DNAJB13: variants seen among roughly 807,000 people sequenced by gnomAD.
DNAJB13 encodes DnaJ heat shock protein family (Hsp40) member B13, also known as dnaJ homolog subfamily B member 13.
In DNAJB13, 22 loss-of-function variants were observed where a neutral mutation model predicts 35.6. The ratio of observed to expected loss-of-function variants is 0.62; its 90% CI spans 0.44 to 0.88. The LOEUF (loss-of-function observed/expected upper bound fraction) is 0.88, where lower values mean the gene tolerates loss of function less well. Ranked by LOEUF, DNAJB13 falls within the 40% of genes least tolerant of loss-of-function variation. DNAJB13 has a pLI of 0.00. For synonymous variants in DNAJB13, 136 were observed against 144.2 expected (o/e 0.94, Z 0.41); for missense variants, 370 against 384.3 (o/e 0.96, Z 0.31).
At chr11:73,960,393 G>T (rs1030598863) in intron 3 of DNAJB13, among the ~76,000 whole-genome samples, 2 of 152,214 alleles carry the variant, frequency 1.3e-5, no homozygotes, top group African/African-American at 4.8e-5. Context: ...TGTCTGCCAG[G>T]CTGGTCTTGA....
At chr11:73,952,371 C>T (rs1950609510) in intron 1 of DNAJB13, among the ~76,000 whole-genome samples, 1 of 152,174 alleles carries the variant, frequency 6.6e-6, no homozygotes, top group African/African-American at 2.4e-5. Context: ...AGGTGCTGTT[C>T]TGAGAACTTT....
chr11:73,970,004 C>T lies in DNAJB13; in HGVS notation c.841C>T (p.Pro281Ser). The change falls in exon 8 of 8, where the codon CCG (proline) becomes TCG (serine). Residue 281 changes from proline (P) to serine (S), a missense_variant. By Grantham distance (74) the Pro-to-Ser change is moderately conservative (BLOSUM62 -1). Coordinates refer to ENST00000339764, the MANE Select transcript of DNAJB13 (RefSeq NM_153614.4). ...GGTGCCAGGGGAGGGGATGCCATTG[C>T]CGGAGGACCCCACTAAGAAAGGGGA... is the stretch of plus-strand genomic sequence containing the variant. ...KKVPGEGMPL[P>S]EDPTKKGDLF... is the part of the protein sequence containing the mutation. The T allele has an allele frequency of 3.7e-6, 6 of 1,611,628 alleles. No individual in the cohort carries two copies. Among genetic ancestry groups the T allele is most frequent in the Non-Finnish European group, 5.1e-6 (6 of 1,178,750 alleles).
At chr11:73,959,249 C>T (rs546203189) in intron 2 of DNAJB13, among the ~76,000 whole-genome samples, 1 of 152,292 alleles carries the variant, frequency 6.6e-6, no homozygotes, top group East Asian at 1.9e-4. Flanking sequence ...TCTCACCCTG[C>T]CCCCAGCAAA....
chr11:73,953,856 C>T (rs980488916), intron 1 of DNAJB13, among the ~76,000 whole-genome samples: 9 of 151,810 alleles, frequency 5.9e-5, no homozygotes, highest in African/African-American at 1.9e-4. Context: ...AAAAATTAGC[C>T]GGGCACCTGT....
At chr11:73,957,040 G>A (rs767164662) in intron 1 of DNAJB13, among the ~76,000 whole-genome samples, 89 of 152,248 alleles carry the variant, frequency 5.8e-4, no homozygotes, top group Non-Finnish European at 9.9e-4. Context: ...TGGAGGCAAG[G>A]TGGGGGGTCA....
chr11:73,954,694 G>A (rs1418932112), intron 1 of DNAJB13, among the ~76,000 whole-genome samples: 1 of 150,028 alleles, frequency 6.7e-6, no homozygotes, highest in Non-Finnish European at 1.5e-5. Flanking sequence ...GGTGGCTCAT[G>A]CCTGTAATCC....
At chr11:73,969,119 T>C (rs1176343165) in intron 6 of DNAJB13, 127 bp from the exon 7 acceptor site, 25 of 534,692 alleles carry the variant, frequency 4.7e-5, no homozygotes, top group Non-Finnish European at 7.2e-5. Context: ...CTATTAGTTA[T>C]TGAACAGCCT....
At chr11:73,967,215 G>A (rs1252609239) in intron 5 of DNAJB13, among the ~76,000 whole-genome samples, 4 of 152,122 alleles carry the variant, frequency 2.6e-5, no homozygotes, top group African/African-American at 7.2e-5. Flanking sequence ...GACTGGCCTC[G>A]AAATCCTGAC....
intron 2 of DNAJB13, among the ~76,000 whole-genome samples, chr11:73,958,752 G>A (rs1362504848): frequency 6.6e-6 from 1 of 152,216 alleles, no homozygotes; most frequent in East Asian, 1.9e-4. Context: ...CAGCTACGGG[G>A]AAGAAAGCTG....
Position 73,951,135 on chromosome 11 carries a change from G to A in DNAJB13, c.66G>A (p.Gln22=). 1 of 1,614,088 alleles carries A rather than the reference G, an allele frequency of 6.2e-7. No individual in the cohort carries two copies. The highest frequency in any genetic ancestry group is 8.5e-7 in the Non-Finnish European group (1 of 1,180,012). ...TRNSEDAQIK[Q]AYRRLALKHH... Reference sequence around the variant, plus strand: ...ATTCAGAGGATGCCCAGATCAAGCAGGCGTAAGTTGGGGTGGGAGCCAGGC... The same window carrying A: ...ATTCAGAGGATGCCCAGATCAAGCAAGCGTAAGTTGGGGTGGGAGCCAGGC... Residue 22 remains glutamine, a splice_region_variant and synonymous_variant, in exon 1 of 8, where the codon CAG becomes CAA. Transcript: ENST00000339764.
Position 73,964,815 on chromosome 11 carries a change from G to GCC in DNAJB13, c.335-62_335-61insCC, listed in dbSNP as rs1554992104. 1.0e-2 allele frequency: 9,705 copies of GCC among 973,550 alleles called. 497 individuals are homozygous for GCC. Among genetic ancestry groups the GCC allele is most frequent in the African/African-American group, 0.079 (4,025 of 51,152 alleles). The allele number at this position is 973,550 out of a possible 1,614,324, so 60.3% of individuals were successfully genotyped here. A position where few individuals can be genotyped will look rare whatever the true frequency, so the allele number is the denominator to read the frequency against. Reference sequence around the variant, plus strand: ...TGTGTGTGTGTGTGTGTGTGTGTGCGCGCGCGCGCATGTCTGGGTCTCTGG... The same window carrying GCC: ...TGTGTGTGTGTGTGTGTGTGTGTGCGCCCGCGCGCGCATGTCTGGGTCTCTGG... On this transcript the variant is annotated intron_variant, in intron 3 of 7. Transcript: ENST00000339764.
chr11:73,968,504 G>A, intron 6 of DNAJB13, 46 bp downstream of exon 6: 2 of 1,528,028 alleles, frequency 1.3e-6, no homozygotes, highest in Non-Finnish European at 1.8e-6. Flanking sequence ...ATCAGAGTGA[G>A]CCCTGCCTGC....
At chr11:73,966,067 A>T in intron 4 of DNAJB13, 71 bp from the exon 5 acceptor site, 1 of 1,410,242 alleles carries the variant, frequency 7.1e-7, no homozygotes, top group Non-Finnish European at 9.8e-7. Context: ...GTTCATGAAA[A>T]TCTGAGCAAA....
chr11:73,966,821 G>C (rs960180630), intron 5 of DNAJB13, among the ~76,000 whole-genome samples: 1 of 150,764 alleles, frequency 6.6e-6, no homozygotes, highest in Non-Finnish European at 1.5e-5. Flanking sequence ...TGGGACTACA[G>C]GCATGTGCCA....
intron 2 of DNAJB13, among the ~76,000 whole-genome samples, chr11:73,958,708 G>A (rs1432924709): frequency 2.0e-5 from 3 of 152,210 alleles, no homozygotes; most frequent in Non-Finnish European, 4.4e-5. Flanking sequence ...GCGGGGACGG[G>A]ACCTTCCCCG....
chr11:73,955,791 A>G (rs2135285226), intron 1 of DNAJB13, among the ~76,000 whole-genome samples: 1 of 152,208 alleles, frequency 6.6e-6, no homozygotes, highest in African/African-American at 2.4e-5. Flanking sequence ...ACAGAGTGAG[A>G]CTCTATCTCT....
chr11:73,966,088 A>C (rs753969685), intron 4 of DNAJB13, 50 bp from the exon 5 acceptor site: 11 of 1,522,104 alleles, frequency 7.2e-6, no homozygotes, highest in Admixed American at 1.8e-5. Context: ...TCTCGACTGT[A>C]CTCATGGAAG....
intron 1 of DNAJB13, among the ~76,000 whole-genome samples, chr11:73,957,163 C>A (rs992819034): frequency 6.6e-6 from 1 of 152,224 alleles, no homozygotes. Flanking sequence ...TGCCCTCAGC[C>A]TTCCACATGG....
intron 4 of DNAJB13, 116 bp from the exon 5 acceptor site, chr11:73,966,022 A>G: frequency 2.1e-6 from 2 of 933,332 alleles, no homozygotes; most frequent in South Asian, 1.5e-5. Flanking sequence ...CAAATCCCAT[A>G]GAGCATCTTT....
Sources: gnomAD v4.1 joint callset for allele counts (sites outside exome capture counted in the v4.1 genomes callset) on GRCh38, gnomAD v4.1.1 for gene constraint, MANE v1.5 for transcripts, NCBI Gene and HGNC (gene_info 2026-07-23, HGNC 2026-07-21) for gene names.